SLC25A15: variants seen among roughly 807,000 people sequenced by gnomAD.
The protein encoded by SLC25A15 is mitochondrial ornithine transporter 1.
A neutral mutation model predicts 32.3 loss-of-function variants in SLC25A15; 24 were observed. The observed-to-expected ratio is 0.74, with a 90% CI of 0.54 to 1.04. The LOEUF is 1.04. SLC25A15 is among the 50% of genes least tolerant of loss of function. SLC25A15 has a pLI of 0.00. For synonymous variants in SLC25A15, 132 were observed against 142.1 expected, an observed-to-expected ratio of 0.93 and a Z score of 0.51; for missense variants, 317 against 374.5, an observed-to-expected ratio of 0.85 and a Z score of 1.27.
chr13:40,800,587 G>T (rs774579214), intron 3 of SLC25A15, among the ~76,000 whole-genome samples: 1 of 152,212 alleles, frequency 6.6e-6, no homozygotes, highest in Non-Finnish European at 1.5e-5. Flanking sequence ...AAGCAGCCAC[G>T]TGAGATTCTG....
At chr13:40,807,986 C>G (rs1490187738) in intron 5 of SLC25A15, among the ~76,000 whole-genome samples, 1 of 152,140 alleles carries the variant, frequency 6.6e-6, no homozygotes, top group Non-Finnish European at 1.5e-5. Flanking sequence ...AGCTCCCAGA[C>G]TTAATTGCTA....
intron 2 of SLC25A15, among the ~76,000 whole-genome samples, chr13:40,797,652 A>G (rs2297012): frequency 0.4 from 60,064 of 152,018 alleles, 12,345 homozygotes; most frequent in East Asian, 0.52. Flanking sequence ...GTTGCTTAAA[A>G]AAGAGATCAA....
chr13:40,792,098 A>T (rs143264237), intron 1 of SLC25A15, among the ~76,000 whole-genome samples: 11 of 152,368 alleles, frequency 7.2e-5, no homozygotes, highest in African/African-American at 2.4e-4. Flanking sequence ...ATTTTAGTCA[A>T]CATTTATTAA....
rs9577154 is a variant in SLC25A15 at position 40,811,995 on chromosome 13, G to T, written c.*2328G>T. Among the ~76,000 whole-genome samples, 12,705 of 152,170 alleles carry T rather than the reference G, an allele frequency of 0.083. 1,319 individuals carry two copies. Among genetic ancestry groups the T allele is most frequent in the African/African-American group, 0.25 (10,173 of 41,464 alleles). The stretch of plus-strand genomic sequence containing the variant: ...CTTGTGCCATGGAGCTATTATGGCT[G>T]GTCTTCCATTTGCTTTTTCTTTAAG... On this transcript the variant is annotated 3_prime_UTR_variant, in exon 7 of 7. Coordinates refer to ENST00000338625, the MANE Select transcript of SLC25A15 (RefSeq NM_014252.4).
intron 2 of SLC25A15, among the ~76,000 whole-genome samples, chr13:40,794,093 C>T (rs1372688321): frequency 6.6e-6 from 1 of 152,210 alleles, no homozygotes; most frequent in African/African-American, 2.4e-5. Flanking sequence ...GTAATCCCAG[C>T]ACTTTAGGAG....
intron 2 of SLC25A15, chr13:40,798,671 C>A: frequency 1.5e-6 from 1 of 682,010 alleles, no homozygotes; most frequent in Non-Finnish European, 1.8e-6. Context: ...TTATTTAATC[C>A]TCACGCTAAC....
chr13:40,792,068 G>A (rs190777216), intron 1 of SLC25A15, among the ~76,000 whole-genome samples: 1 of 152,294 alleles, frequency 6.6e-6, no homozygotes, highest in East Asian at 1.9e-4. Flanking sequence ...AACTGTACAG[G>A]ATTGGTCGTT....
chr13:40,805,309 T>A, intron 4 of SLC25A15, 54 bp downstream of exon 4: 3 of 1,605,734 alleles, frequency 1.9e-6, no homozygotes, highest in Non-Finnish European at 2.6e-6. Context: ...GTGTATTGGA[T>A]GATTTTTCAT....
chr13:40,803,159 G>A (rs1030274107), intron 3 of SLC25A15, among the ~76,000 whole-genome samples: 13 of 151,812 alleles, frequency 8.6e-5, no homozygotes, highest in African/African-American at 3.1e-4. Context: ...CAACTCCCAT[G>A]AACCAGGAAC....
chr13:40,811,831 C>A lies in SLC25A15; in HGVS notation c.*2164C>A, dbSNP rs1251671990. 6.6e-6 allele frequency among the ~76,000 whole-genome samples: 1 copy of A among 152,150 alleles called. No individual in the cohort carries two copies. Among genetic ancestry groups the A allele is most frequent in the Non-Finnish European group, 1.5e-5 (1 of 68,032 alleles). On this transcript the variant is annotated 3_prime_UTR_variant, in exon 7 of 7. Coordinates refer to ENST00000338625, the MANE Select transcript of SLC25A15 (RefSeq NM_014252.4). Reference sequence around the variant, plus strand: ...GCAGAATGTACATGTTGTACAAAACCTCCAGGTTCCTTAAGCTTTTTGCTG... The same window carrying A: ...GCAGAATGTACATGTTGTACAAAACATCCAGGTTCCTTAAGCTTTTTGCTG...
chr13:40,802,603 T>G (rs1881939699), intron 3 of SLC25A15, among the ~76,000 whole-genome samples: 2 of 147,890 alleles, frequency 1.4e-5, no homozygotes, highest in African/African-American at 2.5e-5. Flanking sequence ...TGAGACGGAG[T>G]CTCACTCTGT....
chr13:40,793,122 G>A, intron 1 of SLC25A15, 36 bp from the exon 2 acceptor site: 1 of 1,154,518 alleles, frequency 8.7e-7, no homozygotes. Context: ...GGATGCTGCA[G>A]ACTTGGACTA....
At chr13:40,809,419 G>T in intron 6 of SLC25A15, 124 bp from the exon 7 acceptor site, 2 of 1,190,220 alleles carry the variant, frequency 1.7e-6, no homozygotes, top group Non-Finnish European at 2.5e-6. Context: ...ATCCTTCTAT[G>T]ACTTGTTGGT....
chr13:40,798,889 A>G, intron 2 of SLC25A15, 168 bp from the exon 3 acceptor site: 5 of 985,430 alleles, frequency 5.1e-6, no homozygotes, highest in Non-Finnish European at 6.0e-6. Flanking sequence ...AGGCACATCA[A>G]GGACCTGCTC....
At chr13:40,799,964 T>G (rs1238237081) in intron 3 of SLC25A15, among the ~76,000 whole-genome samples, 3 of 152,240 alleles carry the variant, frequency 2.0e-5, no homozygotes, top group Non-Finnish European at 4.4e-5. Flanking sequence ...CTTTGCCTCT[T>G]TGTTGGTCTT....
chr13:40,801,374 T>C (rs937121295), intron 3 of SLC25A15, among the ~76,000 whole-genome samples: 8 of 152,026 alleles, frequency 5.3e-5, no homozygotes, highest in Non-Finnish European at 1.0e-4. Flanking sequence ...AAATGCTCTC[T>C]TAGAGTCTAC....
chr13:40,806,612 T>C (rs1468976148), intron 4 of SLC25A15, among the ~76,000 whole-genome samples: 1 of 152,230 alleles, frequency 6.6e-6, no homozygotes, highest in African/African-American at 2.4e-5. Flanking sequence ...TTTTTAAATG[T>C]CTGTGGCCTT....
At position 40,811,738 on chromosome 13, in the gene SLC25A15, C is replaced by T. The variant is rs757326840; in HGVS notation, c.*2071C>T. 5.9e-4 allele frequency among the ~76,000 whole-genome samples: 90 copies of T among 152,184 alleles called. No individual in the cohort carries two copies. The highest frequency in any genetic ancestry group is 1.1e-3 in the Non-Finnish European group (74 of 68,038). On this transcript the variant is annotated 3_prime_UTR_variant, in exon 7 of 7. Transcript: ENST00000338625. ...CTCCCAATAAAGTGTTCCTAAGCAG[C>T]CTGTATACTGAGTGCAAGCAGGCTA...
At chr13:40,792,282 C>T (rs1241392916) in intron 1 of SLC25A15, among the ~76,000 whole-genome samples, 2 of 152,194 alleles carry the variant, frequency 1.3e-5, no homozygotes, top group Admixed American at 6.5e-5. Context: ...TTGGACACAA[C>T]GGCCCAGGTG....
Sources: gnomAD v4.1 joint callset for allele counts (sites outside exome capture counted in the v4.1 genomes callset) on GRCh38, gnomAD v4.1.1 for gene constraint, MANE v1.5 for transcripts, NCBI Gene and HGNC (gene_info 2026-07-23, HGNC 2026-07-21) for gene names.